The following XKR4 variants were observed in gnomAD, a reference collection of about 807,000 sequenced individuals.
The protein encoded by XKR4 is XK related 4.
In XKR4, 12 loss-of-function variants were observed where a neutral mutation model predicts 53.9. The ratio of observed to expected loss-of-function variants is 0.22; its 90% CI spans 0.14 to 0.36. XKR4 has a LOEUF of 0.36. Ranked by LOEUF, XKR4 falls within the 10% of genes least tolerant of loss-of-function variation. XKR4 has a pLI of 1.00. For synonymous variants in XKR4, 354 were observed against 362.4 expected (o/e 0.98, Z 0.26); for missense variants, 799 against 859.5 (o/e 0.93, Z 0.88).
intron 1 of XKR4, among the ~76,000 whole-genome samples, chr8:55,241,155 T>C (rs1818205492): frequency 6.6e-6 from 1 of 152,238 alleles, no homozygotes; most frequent in Non-Finnish European, 1.5e-5. Context: ...GATTTTTTAT[T>C]CCTAGCCCAT....
chr8:55,183,588 A>T (rs1817341720), intron 1 of XKR4, among the ~76,000 whole-genome samples: 1 of 152,048 alleles, frequency 6.6e-6, no homozygotes, highest in Non-Finnish European at 1.5e-5. Context: ...TCCCATTATG[A>T]CCTGAGAACA....
chr8:55,399,981 C>T (rs1484028394), intron 2 of XKR4, among the ~76,000 whole-genome samples: 1 of 152,152 alleles, frequency 6.6e-6, no homozygotes, highest in Non-Finnish European at 1.5e-5. Flanking sequence ...CCCACTGCCC[C>T]CAACATGCTA....
intron 2 of XKR4, among the ~76,000 whole-genome samples, chr8:55,368,429 GTCC>G (rs1563334158): frequency 6.6e-6 from 1 of 152,088 alleles, no homozygotes; most frequent in Non-Finnish European, 1.5e-5. Context: ...CTGGCTGGCC[GTCC>G]TCTGTCTCTG....
chr8:55,388,380 G>T (rs1358850991), intron 2 of XKR4, among the ~76,000 whole-genome samples: 2 of 152,198 alleles, frequency 1.3e-5, no homozygotes, highest in African/African-American at 2.4e-5. Flanking sequence ...ACTATTGACA[G>T]ATGTCTTGAT....
chr8:55,486,466 G>C (rs909641127), intron 2 of XKR4, among the ~76,000 whole-genome samples: 1 of 152,182 alleles, frequency 6.6e-6, no homozygotes, highest in African/African-American at 2.4e-5. Flanking sequence ...TGCAAAAATT[G>C]CATGAAACAA....
chr8:55,178,034 T>C (rs969590449), intron 1 of XKR4, among the ~76,000 whole-genome samples: 48 of 152,236 alleles, frequency 3.2e-4, no homozygotes, highest in African/African-American at 1.2e-3. Context: ...CCTTTAATAA[T>C]GGTGATTTCT....
chr8:55,313,502 A>G (rs1041972428), intron 1 of XKR4, among the ~76,000 whole-genome samples: 2 of 152,242 alleles, frequency 1.3e-5, no homozygotes, highest in Non-Finnish European at 2.9e-5. Flanking sequence ...CAGCGGCAGC[A>G]TGCATGGTCT....
chr8:55,241,485 G>C (rs967430385), intron 1 of XKR4, among the ~76,000 whole-genome samples: 3 of 152,062 alleles, frequency 2.0e-5, no homozygotes, highest in Non-Finnish European at 4.4e-5. Flanking sequence ...CAATCCCTGG[G>C]GTATTGGCCT....
Position 55,452,755 on chromosome 8 carries a change from TC to T in XKR4, c.1007-70522del, listed in dbSNP as rs1223801836. On this transcript the variant is annotated intron_variant, in intron 2 of 2. Coordinates refer to ENST00000327381, the MANE Select transcript of XKR4 (RefSeq NM_052898.2). The stretch of plus-strand genomic sequence containing the variant: ...CAGGTCTCTCTGTCCTCAAAGCCGC[TC>T]CCCGTGTCATAGCTCTCAGCCACAC... The T allele has an allele frequency of 8.0e-5, 68 of 854,032 alleles. No homozygotes were observed. The East Asian group carries it at 1.6e-3, about 20-fold the overall frequency. The allele number at this position is 854,032 out of a possible 1,614,324, so 52.9% of individuals were successfully genotyped here.
intron 2 of XKR4, among the ~76,000 whole-genome samples, chr8:55,426,838 A>C (rs1805022519): frequency 6.6e-6 from 1 of 152,232 alleles, no homozygotes; most frequent in African/African-American, 2.4e-5. Context: ...ATTTGTCTAA[A>C]TGTCCTAGTA....
chr8:55,162,333 A>C lies in XKR4; in HGVS notation c.806+59039A>C, dbSNP rs536791368. ...AGCACTGTGCAGAGTAGCAGCAATA[A>C]GCGTCTTTTAAAATAAGTGAGTTAA... On this transcript the variant is annotated intron_variant, in intron 1 of 2. Coordinates refer to ENST00000327381, the MANE Select transcript of XKR4 (RefSeq NM_052898.2). 5.7e-4 allele frequency among the ~76,000 whole-genome samples: 87 copies of C among 152,328 alleles called. 2 individuals carry two copies. In the South Asian group the frequency reaches 9.3e-3, roughly 16 times the overall value.
intron 1 of XKR4, among the ~76,000 whole-genome samples, chr8:55,270,809 G>A (rs1488178627): frequency 1.3e-5 from 2 of 152,136 alleles, no homozygotes; most frequent in African/African-American, 4.8e-5. Context: ...CTTCTTCCAC[G>A]CATGACTTTC....
intron 1 of XKR4, among the ~76,000 whole-genome samples, chr8:55,329,921 G>C (rs1054186581): frequency 6.6e-5 from 10 of 152,124 alleles, no homozygotes; most frequent in African/African-American, 2.2e-4. Context: ...CCACTCTCTT[G>C]TTTTCATTTA....
Position 55,102,773 on chromosome 8 carries a change from G to C in XKR4, c.285G>C (p.Ala95=), listed in dbSNP as rs150889073. Residue 95 remains alanine (A), a synonymous_variant, in exon 1 of 3, where the codon GCG becomes GCC. Coordinates refer to ENST00000327381, the MANE Select transcript of XKR4 (RefSeq NM_052898.2). The surrounding 1 kb of genome is among the most constrained non-coding windows in gnomAD (Gnocchi z 5.1). ...GCGGCGGCGGGGCGGGCTCGGCTGC[G>C]CTGTGCCTGCGCCTGGGCAGGGAGC... ...GPGGGGAGSA[A]LCLRLGREQR... The C allele has an allele frequency of 1.3e-6, 2 of 1,547,692 alleles. No individual in the cohort carries two copies. Among genetic ancestry groups the C allele is most frequent in the African/African-American group, 2.8e-5 (2 of 71,840 alleles).
At chr8:55,183,427 G>T (rs1032253010) in intron 1 of XKR4, among the ~76,000 whole-genome samples, 1 of 151,534 alleles carries the variant, frequency 6.6e-6, no homozygotes. Flanking sequence ...TATGATGTAT[G>T]TTCATTGTTC....
intron 1 of XKR4, among the ~76,000 whole-genome samples, chr8:55,351,776 A>G (rs1803726969): frequency 6.6e-6 from 1 of 152,210 alleles, no homozygotes; most frequent in South Asian, 2.1e-4. Context: ...TCTTCCGGCC[A>G]ATGCCCCTAC....
chr8:55,500,539 G>T (rs1263667537), intron 2 of XKR4, among the ~76,000 whole-genome samples: 2 of 152,086 alleles, frequency 1.3e-5, no homozygotes, highest in Admixed American at 6.6e-5. Flanking sequence ...TTACAGTCTA[G>T]CTCACCACAG....
chr8:55,225,872 T>C (rs1257980067), intron 1 of XKR4, among the ~76,000 whole-genome samples: 1 of 152,196 alleles, frequency 6.6e-6, no homozygotes, highest in Non-Finnish European at 1.5e-5. Context: ...TTTGTTTGCT[T>C]TTGTTGAGTA....
At chr8:55,444,354 CAG>C (rs1465638723) in intron 2 of XKR4, among the ~76,000 whole-genome samples, 1 of 152,066 alleles carries the variant, frequency 6.6e-6, no homozygotes, top group Non-Finnish European at 1.5e-5. Context: ...GAAAACCATA[CAG>C]AGAGTTATTA....
Sources: allele counts gnomAD v4.1 joint callset (sites outside exome capture counted in the v4.1 genomes callset), GRCh38; gene constraint gnomAD v4.1.1; non-coding constraint Gnocchi (gnomAD v3.1); transcripts MANE v1.5; gene names NCBI Gene and HGNC (gene_info 2026-07-23, HGNC 2026-07-21).